ZNF662: variants seen among roughly 807,000 people sequenced by gnomAD.
The protein encoded by ZNF662 is zinc finger protein 662.
A neutral mutation model predicts 12.4 loss-of-function variants in ZNF662; 14 were observed. That is an observed-to-expected ratio of 1.13 (90% CI 0.75 to 1.77). ZNF662 has a LOEUF of 1.77. ZNF662 is among the 40% of genes most tolerant of loss of function. ZNF662 has a pLI of 0.00. For missense variants in ZNF662, 550 were observed against 515.6 expected (o/e 1.07, Z -0.65); for synonymous variants, 184 against 176.4 (o/e 1.04, Z -0.34).
At chr3:42,912,150 T>A (rs988445730) in intron 3 of ZNF662, 13 of 139,276 alleles carry the variant, frequency 9.3e-5, no homozygotes, top group African/African-American at 2.6e-4. Flanking sequence ...TTTATATAAA[T>A]ATATAAAAAT....
Position 42,906,471 on chromosome 3 carries a change from T to C in ZNF662, c.-94+303T>C. On this transcript the variant is annotated intron_variant, in intron 1 of 4. Transcript: ENST00000440367. The surrounding 1 kb of genome is among the most constrained non-coding windows in gnomAD (Gnocchi z 4.4). Reference sequence around the variant, plus strand: ...GTGCGGGGCCGGAGCCTGGAAGCAGTCTTGGCCCTGCCCTGGGTTCTAGGC... The same window carrying C: ...GTGCGGGGCCGGAGCCTGGAAGCAGCCTTGGCCCTGCCCTGGGTTCTAGGC... 7.1e-7 allele frequency: 1 copy of C among 1,410,958 alleles called. No homozygotes were observed. Among genetic ancestry groups the C allele is most frequent in the South Asian group, 1.5e-5 (1 of 65,990 alleles). The allele number at this position is 1,410,958 out of a possible 1,614,324, so 87.4% of individuals were successfully genotyped here.
At chr3:42,912,362 TTA>T (rs1300315599) in intron 3 of ZNF662, among the ~76,000 whole-genome samples, 5 of 103,492 alleles carry the variant, frequency 4.8e-5, no homozygotes, top group African/African-American at 1.6e-4. Context: ...TAATTATATA[TTA>T]TATATGATAT....
At position 42,906,629 on chromosome 3, in the gene ZNF662, G is replaced by C. The variant is rs1439519626; in HGVS notation, c.-94+461G>C. On this transcript the variant is annotated intron_variant, in intron 1 of 4. Coordinates refer to ENST00000440367, the MANE Select transcript of ZNF662 (RefSeq NM_207404.4). The surrounding 1 kb of genome is among the most constrained non-coding windows in gnomAD (Gnocchi z 4.4). ...AAGGAGAGCAGACGTGCAGCGGCAC[G>C]GGGTTGAGCCGACTGCTGGGGCAGA... Among the ~76,000 whole-genome samples the C allele has an allele frequency of 6.6e-6, 1 of 152,196 alleles. No homozygotes were observed. The highest frequency in any genetic ancestry group is 1.5e-5 in the Non-Finnish European group (1 of 68,032).
intron 2 of ZNF662, chr3:42,908,425 C>T: frequency 7.9e-7 from 1 of 1,272,048 alleles, no homozygotes. Context: ...TGGTGCTCCA[C>T]TGAGCCTTCA....
chr3:42,908,710 C>G (rs1047028601), intron 2 of ZNF662, 83 bp from the exon 3 acceptor site: 4 of 1,513,102 alleles, frequency 2.6e-6, no homozygotes, highest in Admixed American at 1.8e-5. Flanking sequence ...CCTCCTACCC[C>G]TGAAGACACT....
chr3:42,913,348 CCTAT>C (rs1206205273), intron 4 of ZNF662, 46 bp downstream of exon 4: 1 of 1,467,368 alleles, frequency 6.8e-7, no homozygotes, highest in Admixed American at 1.7e-5. Context: ...CACATCTTTT[CCTAT>C]CTTTCTTTTA....
At position 42,906,588 on chromosome 3, in the gene ZNF662, C is replaced by G; in HGVS notation, c.-94+420C>G. ...CAGGCAGCACAGCGGAGTCGACACCCCTGGACCTGAGCCTCAAGGAGAGCA... is the reference window on the plus strand; with the variant it reads ...CAGGCAGCACAGCGGAGTCGACACCGCTGGACCTGAGCCTCAAGGAGAGCA... On this transcript the variant is annotated intron_variant, in intron 1 of 4. Transcript: ENST00000440367. This position sits in a 1 kb window ranked among gnomAD's most constrained non-coding sequence, Gnocchi z 4.4. 1 of 704,376 alleles carries G rather than the reference C, an allele frequency of 1.4e-6. No individual in the cohort carries two copies. Among genetic ancestry groups the G allele is most frequent in the Non-Finnish European group, 2.2e-6 (1 of 460,972 alleles). 43.6% of individuals were successfully genotyped at this position (704,376 alleles called of 1,614,324 possible).
Position 42,917,416 on chromosome 3 carries a change from A to G in ZNF662, c.*2062A>G, listed in dbSNP as rs749145941. ...TGGCACATAGGAAAATGTGAGACCT[A>G]GAATTATAGCAACTTTTTTTTTCTG... On this transcript the variant is annotated 3_prime_UTR_variant, in exon 5 of 5. Coordinates refer to ENST00000440367, the MANE Select transcript of ZNF662 (RefSeq NM_207404.4). 7.5e-6 allele frequency: 5 copies of G among 670,964 alleles called. No individual in the cohort carries two copies. The highest frequency in any genetic ancestry group is 1.8e-5 in the African/African-American group (1 of 55,278). 41.6% of individuals were successfully genotyped at this position (670,964 alleles called of 1,614,324 possible). A position where few individuals can be genotyped will look rare whatever the true frequency, so the allele number is the denominator to read the frequency against.
rs186646902 is a variant in ZNF662, at chr3:42,918,064, C to T, written c.*2710C>T. 1.3e-5 allele frequency among the ~76,000 whole-genome samples: 2 copies of T among 152,322 alleles called. No homozygotes were observed. Among genetic ancestry groups the T allele is most frequent in the East Asian group, 3.9e-4 (2 of 5,180 alleles). On this transcript the variant is annotated 3_prime_UTR_variant, in exon 5 of 5. Coordinates refer to ENST00000440367, the MANE Select transcript of ZNF662 (RefSeq NM_207404.4). ...GAGGTTGCAGTGAGCCGAGATTGTGCCATTGCACTCCAGCCTGGGCAACAA... is the reference window on the plus strand; with the variant it reads ...GAGGTTGCAGTGAGCCGAGATTGTGTCATTGCACTCCAGCCTGGGCAACAA...
Position 42,919,011 on chromosome 3 carries a change from C to T in ZNF662, c.*3657C>T, listed in dbSNP as rs946873621. Among the ~76,000 whole-genome samples, 1 of 152,154 alleles carries T rather than the reference C, an allele frequency of 6.6e-6. No individual in the cohort carries two copies. The highest frequency in any genetic ancestry group is 1.5e-5 in the Non-Finnish European group (1 of 68,026). On this transcript the variant is annotated 3_prime_UTR_variant, in exon 5 of 5. Transcript: ENST00000440367. ...TGGTCTTATTTTCCCAAAAAAGAAA[C>T]CTCCAGGTTATGGGCACCTTATTTA...
rs369399230 is a variant in ZNF662 at position 42,915,036 on chromosome 3, A to G, written c.963A>G (p.Arg321=). The G allele has an allele frequency of 1.9e-6, 3 of 1,613,948 alleles. No individual in the cohort carries two copies. In the African/African-American group the frequency reaches 4.0e-5, roughly 22 times the overall value. ...TTACTCGAAACCCAGCCCTTCTTCG[A>G]CATCAGAGAATGCACACTGGGGAGA... The part of the protein sequence containing the change: ...KSFTRNPALL[R]HQRMHTGEKP... Residue 321 remains arginine (R), a synonymous_variant, in exon 5 of 5, where the codon CGA becomes CGG. Coordinates refer to ENST00000440367, the MANE Select transcript of ZNF662 (RefSeq NM_207404.4).
In ZNF662 at chr3:42,906,277, A is replaced by T. The variant is rs1199551138; in HGVS notation, c.-94+109A>T. The stretch of plus-strand genomic sequence containing the variant: ...CCGTGTCAGGCCTGCCCAGGTGCAG[A>T]GCGCTCTTCCGCGACCCCAACAGCC... On this transcript the variant is annotated intron_variant, in intron 1 of 4. Transcript: ENST00000440367. This position sits in a 1 kb window ranked among gnomAD's most constrained non-coding sequence, Gnocchi z 4.4. 6.4e-6 allele frequency: 9 copies of T among 1,403,776 alleles called. No individual in the cohort carries two copies. Among genetic ancestry groups the T allele is most frequent in the Non-Finnish European group, 7.7e-6 (8 of 1,044,730 alleles). The allele number at this position is 1,403,776 out of a possible 1,614,324, so 87.0% of individuals were successfully genotyped here. A position where few individuals can be genotyped will look rare whatever the true frequency, so the allele number is the denominator to read the frequency against.
intron 2 of ZNF662, chr3:42,908,569 C>A: frequency 7.3e-7 from 1 of 1,368,228 alleles, no homozygotes; most frequent in Non-Finnish European, 9.4e-7. Context: ...GTGAAATCAT[C>A]CATTTGCTGA....
At chr3:42,909,182 C>G (rs147894491) in intron 3 of ZNF662, among the ~76,000 whole-genome samples, 10 of 152,160 alleles carry the variant, frequency 6.6e-5, no homozygotes, top group African/African-American at 2.4e-4. Flanking sequence ...GAACAAAGGT[C>G]TCTGGTTTTC....
intron 4 of ZNF662, among the ~76,000 whole-genome samples, chr3:42,913,794 T>C (rs1466978605): frequency 6.6e-6 from 1 of 151,850 alleles, no homozygotes; most frequent in Non-Finnish European, 1.5e-5. Flanking sequence ...CTGCCTGGAG[T>C]AGTTTGAGAA....
Position 42,914,520 on chromosome 3 carries a change from T to C in ZNF662, c.447T>C (p.Ser149=). The change falls in exon 5 of 5, where the codon AGT becomes AGC. Residue 149 remains serine (S), a synonymous_variant. Transcript: ENST00000440367. The stretch of plus-strand genomic sequence containing the variant: ...ACCTCAATGGGGGACGTATGGAAAG[T>C]TCTACAAATGATATTATAGAAGTGA... The part of the protein sequence containing the change: ...PGYLNGGRME[S]STNDIIEVIV... The C allele has an allele frequency of 6.2e-7, 1 of 1,614,046 alleles. No individual in the cohort carries two copies. Among genetic ancestry groups the C allele is most frequent in the African/African-American group, 1.3e-5 (1 of 75,010 alleles).
At chr3:42,910,081 G>A (rs1011830067) in intron 3 of ZNF662, among the ~76,000 whole-genome samples, 3 of 152,178 alleles carry the variant, frequency 2.0e-5, no homozygotes, top group Non-Finnish European at 4.4e-5. Flanking sequence ...CTGAGTGATC[G>A]AGACTCTGTC....
chr3:42,907,928 G>A, intron 1 of ZNF662, 94 bp from the exon 2 acceptor site: 1 of 1,490,806 alleles, frequency 6.7e-7, no homozygotes, highest in Non-Finnish European at 9.0e-7. Flanking sequence ...AATCCCCACA[G>A]GCACCCCCAC....
chr3:42,907,081 C>G (rs2088693339), intron 1 of ZNF662, among the ~76,000 whole-genome samples: 1 of 152,208 alleles, frequency 6.6e-6, no homozygotes, highest in African/African-American at 2.4e-5. Context: ...CCAGAATGGG[C>G]TCCTCCACAG....
Sources: gnomAD v4.1 joint callset for allele counts (sites outside exome capture counted in the v4.1 genomes callset) on GRCh38, gnomAD v4.1.1 for gene constraint, Gnocchi (gnomAD v3.1) non-coding constraint, MANE v1.5 for transcripts, NCBI Gene and HGNC (gene_info 2026-07-23, HGNC 2026-07-21) for gene names.